The following CCDC180 variants were observed in gnomAD, a reference collection of about 807,000 sequenced individuals.
The protein encoded by CCDC180 is coiled-coil domain-containing protein 180.
A neutral mutation model predicts 209.2 loss-of-function variants in CCDC180; 154 were observed. That is an observed-to-expected ratio of 0.74 (90% confidence interval 0.65 to 0.84). CCDC180 has a LOEUF of 0.84. Ranked by LOEUF, CCDC180 falls within the 40% of genes least tolerant of loss-of-function variation. The pLI, the probability that CCDC180 is intolerant of heterozygous loss-of-function variation, is 0.00. For synonymous variants in CCDC180, 778 were observed against 749.1 expected (o/e 1.04, Z -0.63); for missense variants, 1,874 against 1,997.3 (o/e 0.94, Z 1.18).
chr9:97,325,053 G>T lies in CCDC180; in HGVS notation c.1406G>T (p.Trp469Leu), dbSNP rs751258403. 6 of 1,614,064 alleles carry T rather than the reference G, an allele frequency of 3.7e-6. No individual in the cohort carries two copies. Among genetic ancestry groups the T allele is most frequent in the Non-Finnish European group, 5.1e-6 (6 of 1,180,004 alleles). The stretch of plus-strand genomic sequence containing the variant: ...GAGACTCTGGCAGATCAGACAGAGT[G>T]GCAGAGTTCACACCTCTTCAAGTAT... The part of the protein sequence containing the change: ...SFETLADQTE[W>L]QSSHLFKYFQ... The change falls in exon 14 of 37, where the codon TGG becomes TTG. Residue 469 changes from tryptophan to leucine, a missense_variant. Trp to Leu is a moderately conservative substitution (Grantham distance 61, BLOSUM62 -2). Coordinates refer to ENST00000529487, the MANE Select transcript of CCDC180 (RefSeq NM_020893.6).
At chr9:97,357,897 G>A in intron 25 of CCDC180, 172 bp downstream of exon 25, 1 of 538,856 alleles carries the variant, frequency 1.9e-6, no homozygotes, top group South Asian at 2.7e-5. Flanking sequence ...ATGAAGAAAG[G>A]AACAAAAGAG....
At chr9:97,372,222 C>T (rs1319896154) in intron 34 of CCDC180, 1 of 152,290 alleles carries the variant, frequency 6.6e-6, no homozygotes, top group African/African-American at 2.4e-5. Flanking sequence ...AAATGCTCAA[C>T]TTCACTGATG....
intron 1 of CCDC180, 84 bp downstream of exon 1, chr9:97,307,890 G>T (rs1306434325): frequency 6.3e-7 from 1 of 1,593,968 alleles, no homozygotes; most frequent in African/African-American, 1.3e-5. Context: ...GTCCTTCCCC[G>T]GGGAGTCCTG....
intron 24 of CCDC180, among the ~76,000 whole-genome samples, chr9:97,355,241 A>G (rs1416528543): frequency 1.3e-5 from 2 of 152,080 alleles, no homozygotes; most frequent in African/African-American, 2.4e-5. Flanking sequence ...TGTAGCCTCA[A>G]CTTCCTGGGC....
chr9:97,307,979 T>C lies in CCDC180; in HGVS notation c.-81-4T>C. 6.3e-7 allele frequency: 1 copy of C among 1,589,012 alleles called. No individual in the cohort carries two copies. The highest frequency in any genetic ancestry group is 8.6e-7 in the Non-Finnish European group (1 of 1,166,608). ...GTTTGGGACGGGCGATTTCCCAACC[T>C]CAGGAATTGGAATTGAGACACCAAA... On this transcript the variant is annotated splice_polypyrimidine_tract_variant and splice_region_variant and intron_variant, in intron 1 of 36. Coordinates refer to ENST00000529487, the MANE Select transcript of CCDC180 (RefSeq NM_020893.6).
chr9:97,312,233 G>C, intron 4 of CCDC180, 32 bp downstream of exon 4: 1 of 1,595,132 alleles, frequency 6.3e-7, no homozygotes, highest in Non-Finnish European at 8.6e-7. Context: ...AGGCAGGCCT[G>C]TCCTGGGCCA....
intron 24 of CCDC180, among the ~76,000 whole-genome samples, chr9:97,356,487 T>C (rs1282686779): frequency 6.6e-6 from 1 of 152,202 alleles, no homozygotes; most frequent in African/African-American, 2.4e-5. Context: ...ACTCATGACA[T>C]AGTCCCTGGA....
chr9:97,331,985 A>G (rs1390535190), intron 18 of CCDC180, among the ~76,000 whole-genome samples: 1 of 152,204 alleles, frequency 6.6e-6, no homozygotes, highest in African/African-American at 2.4e-5. Context: ...TCCTATGTCC[A>G]GAATGGTATT....
chr9:97,322,994 C>G, intron 12 of CCDC180, 73 bp downstream of exon 12: 3 of 1,178,894 alleles, frequency 2.5e-6, no homozygotes, highest in Non-Finnish European at 3.7e-6. Context: ...TGGCCCCATA[C>G]CCACTGCCTT....
intron 8 of CCDC180, among the ~76,000 whole-genome samples, chr9:97,315,283 A>G (rs929934332): frequency 1.3e-5 from 2 of 152,134 alleles, no homozygotes; most frequent in African/African-American, 4.8e-5. Flanking sequence ...GTGCAATGCA[A>G]TAGGCGCTAC....
intron 20 of CCDC180, among the ~76,000 whole-genome samples, chr9:97,348,346 T>C (rs1387807330): frequency 6.6e-6 from 1 of 152,172 alleles, no homozygotes; most frequent in Non-Finnish European, 1.5e-5. Context: ...TGGAACCTCA[T>C]TGTTCTCATC....
At chr9:97,330,854 C>A in intron 18 of CCDC180, 87 bp downstream of exon 18, 1 of 1,218,984 alleles carries the variant, frequency 8.2e-7, no homozygotes, top group Non-Finnish European at 1.1e-6. Context: ...CTGGGGTCTT[C>A]AGTGGCCCAG....
chr9:97,361,885 A>G lies in CCDC180; in HGVS notation c.3643A>G (p.Arg1215Gly). The G allele has an allele frequency of 6.2e-7, 1 of 1,614,020 alleles. No homozygotes were observed. The highest frequency in any genetic ancestry group is 1.1e-5 in the South Asian group (1 of 91,078). Residue 1215 changes from arginine to glycine, a missense_variant, in exon 27 of 37, where the codon AGG becomes GGG. Arg to Gly is a moderately radical substitution (Grantham distance 125). Coordinates refer to ENST00000529487, the MANE Select transcript of CCDC180 (RefSeq NM_020893.6). The part of the protein sequence containing the change: ...LIEDPAVDVI[R>G]KLLQLPNTKW... ...TGAGGACCCAGCTGTGGATGTGATCAGGAAGCTCCTGCAGTGAGTGGCCCC... is the reference window on the plus strand; with the variant it reads ...TGAGGACCCAGCTGTGGATGTGATCGGGAAGCTCCTGCAGTGAGTGGCCCC...
At chr9:97,352,836 T>C (rs942448483) in intron 22 of CCDC180, among the ~76,000 whole-genome samples, 2 of 152,062 alleles carry the variant, frequency 1.3e-5, no homozygotes, top group African/African-American at 2.4e-5. Context: ...TTATTCTTCC[T>C]AGTCACTGAT....
rs758171906 is a variant in CCDC180 at position 97,371,648 on chromosome 9, C to T, written c.4542C>T (p.Thr1514=). 14 of 1,608,444 alleles carry T rather than the reference C, an allele frequency of 8.7e-6. No individual in the cohort carries two copies. The highest frequency in any genetic ancestry group is 1.3e-5 in the African/African-American group (1 of 74,822). Residue 1514 remains threonine (T), a synonymous_variant, in exon 34 of 37, where the codon ACC becomes ACT. Coordinates refer to ENST00000529487, the MANE Select transcript of CCDC180 (RefSeq NM_020893.6). ...TCATAACCAACTTGGCCACCTTCAC[C>T]GAGAAGTTCCTACTGCAGTTGGATG... ...QVFITNLATF[T]EKFLLQLDEV...
In CCDC180 at chr9:97,320,173, ATTCTTCCC is replaced by A; in HGVS notation, c.1129_1136del (p.Ser377GlnfsTer23). On this transcript the variant is annotated frameshift_variant, in exon 11 of 37. Coordinates refer to ENST00000529487, the MANE Select transcript of CCDC180 (RefSeq NM_020893.6). LOFTEE classifies it high-confidence loss of function. Reference sequence around the variant, plus strand: ...AGCAAAACTCAGCTGACTGAGTGGCATTCTTCCCTCAACTCCCTGAACAAGGAGCTAGG... The same window carrying A: ...AGCAAAACTCAGCTGACTGAGTGGCATCAACTCCCTGAACAAGGAGCTAGG... 1 of 1,614,170 alleles carries A rather than the reference ATTCTTCCC, an allele frequency of 6.2e-7. No homozygotes were observed. Among genetic ancestry groups the A allele is most frequent in the Non-Finnish European group, 8.5e-7 (1 of 1,180,030 alleles).
At chr9:97,363,686 C>T (rs745669091) in intron 28 of CCDC180, 14 of 500,224 alleles carry the variant, frequency 2.8e-5, no homozygotes, top group Admixed American at 4.6e-5. Context: ...AATGGGCGTG[C>T]TGTATTGTTA....
chr9:97,320,256 C>A, intron 11 of CCDC180, 51 bp downstream of exon 11: 1 of 1,530,446 alleles, frequency 6.5e-7, no homozygotes, highest in Non-Finnish European at 9.1e-7. Flanking sequence ...ACTGTTTAAG[C>A]AGTTGCTTTG....
At position 97,377,023 on chromosome 9, in the gene CCDC180, T is replaced by A; in HGVS notation, c.*129T>A. The A allele has an allele frequency of 9.3e-7, 1 of 1,074,006 alleles. No homozygotes were observed. The highest frequency in any genetic ancestry group is 1.3e-6 in the Non-Finnish European group (1 of 772,086). The allele number at this position is 1,074,006 out of a possible 1,614,324, so 66.5% of individuals were successfully genotyped here. The stretch of plus-strand genomic sequence containing the variant: ...CACCCCTGCTCTGTGCCGGGCACTG[T>A]AGCTTTACCAGCGAACAGGACACAG... On this transcript the variant is annotated 3_prime_UTR_variant, in exon 37 of 37. Transcript: ENST00000529487.
Sources: gnomAD v4.1 joint callset for allele counts (sites outside exome capture counted in the v4.1 genomes callset) on GRCh38, gnomAD v4.1.1 for gene constraint, MANE v1.5 for transcripts, NCBI Gene and HGNC (gene_info 2026-07-23, HGNC 2026-07-21) for gene names.